The following PCDH9 variants were observed in gnomAD, a reference collection of about 807,000 sequenced individuals.
PCDH9 encodes the protein protocadherin 9.
In PCDH9, 24 loss-of-function variants were observed where a neutral mutation model predicts 70.6. That is an observed-to-expected ratio of 0.34 (90% CI 0.25 to 0.48). The LOEUF (loss-of-function observed/expected upper bound fraction) is 0.48, where lower values mean the gene tolerates loss of function less well. Ranked by LOEUF, PCDH9 falls within the 20% of genes least tolerant of loss-of-function variation. The probability of loss-of-function intolerance (pLI) is 0.99; values close to 1 mark genes in which losing one functional copy is unlikely to be tolerated. For synonymous variants in PCDH9, 562 were observed against 558.5 expected (o/e 1.01, Z -0.09); for missense variants, 1,281 against 1,503.6 (o/e 0.85, Z 2.45).
intron 2 of PCDH9, among the ~76,000 whole-genome samples, chr13:67,063,203 G>A (rs2085573401): frequency 6.6e-6 from 1 of 152,092 alleles, no homozygotes; most frequent in South Asian, 2.1e-4. Flanking sequence ...TGGTTGCTAT[G>A]GCATAGTGAG....
At chr13:67,058,664 C>T (rs956514722) in intron 2 of PCDH9, among the ~76,000 whole-genome samples, 3 of 152,078 alleles carry the variant, frequency 2.0e-5, no homozygotes, top group Admixed American at 2.0e-4. Flanking sequence ...TGCCCATGAT[C>T]AATGTCAAAT....
chr13:66,334,282 C>T (rs1236440998), intron 4 of PCDH9, among the ~76,000 whole-genome samples: 1 of 152,064 alleles, frequency 6.6e-6, no homozygotes, highest in Non-Finnish European at 1.5e-5. Context: ...TGAGTGAGAA[C>T]ATGTGATATT....
At chr13:66,574,839 C>G (rs921131877) in intron 4 of PCDH9, among the ~76,000 whole-genome samples, 1 of 152,138 alleles carries the variant, frequency 6.6e-6, no homozygotes, top group African/African-American at 2.4e-5. Flanking sequence ...TCCACTGTGA[C>G]AACTCAGTGC....
intron 3 of PCDH9, among the ~76,000 whole-genome samples, chr13:66,866,670 G>C (rs1436610947): frequency 6.6e-6 from 1 of 151,826 alleles, no homozygotes; most frequent in South Asian, 2.1e-4. Context: ...GGTGGCGAGC[G>C]CCTATAGTCC....
intron 2 of PCDH9, among the ~76,000 whole-genome samples, chr13:66,921,742 AG>A (rs1258955015): frequency 6.6e-6 from 1 of 151,380 alleles, no homozygotes; most frequent in Non-Finnish European, 1.5e-5. Flanking sequence ...GTTTAATAAA[AG>A]GGGAATTGTT....
intron 2 of PCDH9, among the ~76,000 whole-genome samples, chr13:67,060,176 A>C (rs116346830): frequency 5.3e-4 from 80 of 152,142 alleles, no homozygotes; most frequent in African/African-American, 1.7e-3. Flanking sequence ...CAGGTAGATA[A>C]AGTGTCTGAG....
At chr13:66,988,098 A>G (rs1443565072) in intron 2 of PCDH9, among the ~76,000 whole-genome samples, 1 of 151,872 alleles carries the variant, frequency 6.6e-6, no homozygotes, top group Non-Finnish European at 1.5e-5. Context: ...ACAGGGCCTG[A>G]CTATATTGTC....
At chr13:67,163,129 G>A (rs778480156) in intron 2 of PCDH9, among the ~76,000 whole-genome samples, 16 of 152,212 alleles carry the variant, frequency 1.1e-4, no homozygotes, top group South Asian at 6.2e-4. Flanking sequence ...TAGAAACTCC[G>A]TGTGCATGAA....
intron 2 of PCDH9, among the ~76,000 whole-genome samples, chr13:67,188,513 T>A (rs2088820278): frequency 6.6e-6 from 1 of 152,124 alleles, no homozygotes; most frequent in Non-Finnish European, 1.5e-5. Flanking sequence ...TCTATTTTAC[T>A]AATAGAAATT....
At chr13:66,642,478 A>G (rs2077721278) in intron 3 of PCDH9, among the ~76,000 whole-genome samples, 1 of 152,072 alleles carries the variant, frequency 6.6e-6, no homozygotes. Flanking sequence ...GAAATCTTAT[A>G]AAGTATCTAT....
chr13:66,694,943 G>A (rs1461840405), intron 3 of PCDH9, among the ~76,000 whole-genome samples: 1 of 145,294 alleles, frequency 6.9e-6, no homozygotes, highest in African/African-American at 2.6e-5. Flanking sequence ...TTGCTCTGTC[G>A]CCCAGGCTGT....
chr13:66,775,916 G>A (rs567312201), intron 3 of PCDH9, among the ~76,000 whole-genome samples: 36 of 152,058 alleles, frequency 2.4e-4, no homozygotes, highest in African/African-American at 8.7e-4. Flanking sequence ...AGCCTTTCCC[G>A]AACTCCCCTA....
intron 4 of PCDH9, among the ~76,000 whole-genome samples, chr13:66,485,771 C>T (rs113694573): frequency 0.12 from 18,120 of 151,130 alleles, 1,272 homozygotes; most frequent in Middle Eastern, 0.21. Context: ...GACTGAGTTT[C>T]GCTCTTGTTT....
At chr13:66,862,348 G>A (rs1269409690) in intron 3 of PCDH9, among the ~76,000 whole-genome samples, 1 of 152,218 alleles carries the variant, frequency 6.6e-6, no homozygotes, top group Non-Finnish European at 1.5e-5. Flanking sequence ...TCTATAGTGT[G>A]TGGGTGTAGG....
chr13:66,632,748 G>T (rs2077587814), intron 3 of PCDH9, among the ~76,000 whole-genome samples: 1 of 152,024 alleles, frequency 6.6e-6, no homozygotes, highest in Non-Finnish European at 1.5e-5. Flanking sequence ...TAGTACATTT[G>T]CGCTATTTGA....
chr13:66,752,800 A>T (rs1344377805), intron 3 of PCDH9, among the ~76,000 whole-genome samples: 1 of 152,208 alleles, frequency 6.6e-6, no homozygotes, highest in Non-Finnish European at 1.5e-5. Flanking sequence ...CACATACACA[A>T]TGTGGATTAG....
At chr13:66,396,331 A>C (rs1186568353) in intron 4 of PCDH9, among the ~76,000 whole-genome samples, 1 of 152,212 alleles carries the variant, frequency 6.6e-6, no homozygotes, top group African/African-American at 2.4e-5. Flanking sequence ...TTGCTCAAAG[A>C]CAAGAACATA....
chr13:67,036,740 G>A (rs559617609), intron 2 of PCDH9, among the ~76,000 whole-genome samples: 1 of 152,028 alleles, frequency 6.6e-6, no homozygotes, highest in Non-Finnish European at 1.5e-5. Flanking sequence ...CAGACAGCAG[G>A]GTTTATATGA....
chr13:67,027,726 AAAAC>A (rs1187964123), intron 2 of PCDH9, among the ~76,000 whole-genome samples: 11 of 151,112 alleles, frequency 7.3e-5, no homozygotes, highest in Non-Finnish European at 1.2e-4. Flanking sequence ...TTACAAGAAA[AAAAC>A]AAACAACCCC....
Sources: gnomAD v4.1 joint callset for allele counts (sites outside exome capture counted in the v4.1 genomes callset) on GRCh38, gnomAD v4.1.1 for gene constraint, MANE v1.5 for transcripts, NCBI Gene and HGNC (gene_info 2026-07-23, HGNC 2026-07-21) for gene names.